ARHGAP29: variants seen among roughly 807,000 people sequenced by gnomAD.
ARHGAP29 encodes rho GTPase-activating protein 29.
In ARHGAP29, 43 loss-of-function variants were observed where a neutral mutation model predicts 122.6. That is an observed-to-expected ratio of 0.35 (90% CI 0.27 to 0.45). The LOEUF (loss-of-function observed/expected upper bound fraction) is 0.45. Among genes scored for constraint, ARHGAP29 ranks in the 20% least tolerant of loss-of-function variants. The pLI, the probability that ARHGAP29 is intolerant of heterozygous loss-of-function variation, is 1.00. For missense variants in ARHGAP29, 1,303 were observed against 1,477.2 expected (o/e 0.88, Z 1.93); for synonymous variants, 506 against 497.1 (o/e 1.02, Z -0.24).
At position 94,205,061 on chromosome 1, in the gene ARHGAP29, C is replaced by T. The variant is rs746453594; in HGVS notation, c.697G>A (p.Glu233Lys). The T allele has an allele frequency of 1.9e-6, 3 of 1,550,714 alleles. No homozygotes were observed. The South Asian group carries it at 3.8e-5, about 19-fold the overall frequency. ...VSWVEKKLNL[E>K]LESTRNMVKL... ...TCAGATGCTTTAAAAGGCAACTCACCCAAGTTAAGCTTTTTTTCAACCCAT... is the reference window on the plus strand; with the variant it reads ...TCAGATGCTTTAAAAGGCAACTCACTCAAGTTAAGCTTTTTTTCAACCCAT... The change falls in exon 7 of 23, where the codon GAA becomes AAA. Residue 233 changes from glutamate (E) to lysine (K), a missense_variant and splice_region_variant. Transcript: ENST00000260526.
chr1:94,220,110 T>C lies in ARHGAP29; in HGVS notation c.340+148A>G, dbSNP rs898717762. The C allele has an allele frequency of 5.5e-6, 5 of 914,026 alleles. No homozygotes were observed. The Admixed American group carries it at 8.1e-5, about 15-fold the overall frequency. 56.6% of individuals were successfully genotyped at this position (914,026 alleles called of 1,614,324 possible). A position where few individuals can be genotyped will look rare whatever the true frequency, so the allele number is the denominator to read the frequency against. ...CTTTAGGTGTGACTTAGTGGGAATA[T>C]TTCAATATCAAAGTATATATAACTC... is the stretch of plus-strand genomic sequence containing the variant. On this transcript the variant is annotated intron_variant, in intron 3 of 22. Coordinates refer to ENST00000260526, the MANE Select transcript of ARHGAP29 (RefSeq NM_004815.4).
chr1:94,220,349 G>A lies in ARHGAP29; in HGVS notation c.249C>T (p.Leu83=). 1.9e-6 allele frequency: 3 copies of A among 1,611,092 alleles called. No individual in the cohort carries two copies. The Admixed American group carries it at 5.0e-5, about 27-fold the overall frequency. ...EVIHIRLEEL[L]RVLKSIMNKH... ...TATTCATTATAGACTTTAAAACACG[G>A]AGCAGTTCCTCTAGACGTATATGAA... The change falls in exon 3 of 23, where the codon CTC becomes CTT. Residue 83 remains leucine, a synonymous_variant. Transcript: ENST00000260526.
chr1:94,205,223 G>C, intron 6 of ARHGAP29, 25 bp from the exon 7 acceptor site: 1 of 1,553,282 alleles, frequency 6.4e-7, no homozygotes, highest in Non-Finnish European at 8.7e-7. Context: ...ATCAAGGTAA[G>C]TATATGTTAA....
intron 1 of ARHGAP29, among the ~76,000 whole-genome samples, chr1:94,243,292 A>G (rs1232339305): frequency 1.3e-5 from 2 of 152,118 alleles, no homozygotes; most frequent in African/African-American, 2.4e-5. Flanking sequence ...GATAGGCCAT[A>G]TATGGGATAA....
chr1:94,308,675 G>T, the ARHGAP29 span, among the ~76,000 whole-genome samples: 2 of 152,074 alleles, frequency 1.3e-5, no homozygotes, highest in Non-Finnish European at 2.9e-5. Flanking sequence ...CAGCCACTGC[G>T]CCAGGATCCC....
intron 12 of ARHGAP29, among the ~76,000 whole-genome samples, chr1:94,200,027 G>C (rs1381032629): frequency 6.6e-6 from 1 of 152,058 alleles, no homozygotes; most frequent in Non-Finnish European, 1.5e-5. Context: ...TAAAACTATT[G>C]AAATTTTAGT....
intron 2 of ARHGAP29, among the ~76,000 whole-genome samples, chr1:94,223,315 T>C (rs1287407944): frequency 6.6e-6 from 1 of 152,166 alleles, no homozygotes; most frequent in African/African-American, 2.4e-5. Flanking sequence ...CAGTATAGTG[T>C]TGAAAAGCAT....
the ARHGAP29 span, among the ~76,000 whole-genome samples, chr1:94,303,174 C>T: frequency 6.6e-6 from 1 of 152,068 alleles, no homozygotes; most frequent in African/African-American, 2.4e-5. Flanking sequence ...AAGGGAAGGA[C>T]CTAGGGAGCC....
the ARHGAP29 span, among the ~76,000 whole-genome samples, chr1:94,299,125 C>T: frequency 6.6e-6 from 1 of 151,682 alleles, no homozygotes; most frequent in Non-Finnish European, 1.5e-5. Context: ...GGTACATAAT[C>T]CTGCAGTATT....
rs183656092 is a variant in ARHGAP29, at chr1:94,272,291, T to G, written c.-33+2721A>C. ...GAGATGGGACTATGGGACTATAGTT[T>G]GTCCCACTAACCTCCTTTTTCTAAG... On this transcript the variant is annotated intron_variant and NMD_transcript_variant, in intron 1 of 25. Transcript: ENST00000552844. 1.4e-4 allele frequency among the ~76,000 whole-genome samples: 22 copies of G among 152,338 alleles called. No homozygotes were observed. The Middle Eastern group carries it at 0.01, about 71-fold the overall frequency.
chr1:94,289,148 GTCC>G, the ARHGAP29 span, among the ~76,000 whole-genome samples: 1 of 152,064 alleles, frequency 6.6e-6, no homozygotes, highest in Non-Finnish European at 1.5e-5. Context: ...ATTTGTTTGT[GTCC>G]TCTTTCATTT....
At chr1:94,309,075 TGGCTCA>T in the ARHGAP29 span, among the ~76,000 whole-genome samples, 1 of 152,228 alleles carries the variant, frequency 6.6e-6, no homozygotes, top group African/African-American at 2.4e-5. Context: ...GGGGAGCCAT[TGGCTCA>T]GGCTCTTGTT....
At chr1:94,182,437 A>G (rs905947454) in intron 19 of ARHGAP29, among the ~76,000 whole-genome samples, 1 of 152,168 alleles carries the variant, frequency 6.6e-6, no homozygotes, top group African/African-American at 2.4e-5. Flanking sequence ...AGGACTAACC[A>G]GGATTGGCAG....
chr1:94,307,114 T>C, the ARHGAP29 span, among the ~76,000 whole-genome samples: 3 of 152,316 alleles, frequency 2.0e-5, no homozygotes, highest in South Asian at 2.1e-4. Context: ...TCATTTTTTT[T>C]CCCCTTTCTC....
the ARHGAP29 span, among the ~76,000 whole-genome samples, chr1:94,313,783 A>G: frequency 1.3e-5 from 2 of 152,212 alleles, no homozygotes; most frequent in Non-Finnish European, 2.9e-5. Flanking sequence ...ATACCATGGA[A>G]TATTATGCAG....
At chr1:94,192,631 A>T (rs576139790) in intron 12 of ARHGAP29, 1 of 152,430 alleles carries the variant, frequency 6.6e-6, no homozygotes, top group African/African-American at 2.4e-5. Flanking sequence ...GTTTATGACC[A>T]GATGAACTGT....
chr1:94,308,712 C>A, the ARHGAP29 span, among the ~76,000 whole-genome samples: 14 of 152,170 alleles, frequency 9.2e-5, no homozygotes, highest in Non-Finnish European at 2.9e-5. Context: ...AAAGGTACAA[C>A]CTGACATGGC....
intron 3 of ARHGAP29, among the ~76,000 whole-genome samples, chr1:94,210,821 T>G (rs1167486301): frequency 6.6e-6 from 1 of 151,984 alleles, no homozygotes; most frequent in Non-Finnish European, 1.5e-5. Flanking sequence ...GAGGATCACT[T>G]GTGGCCAAGA....
chr1:94,236,880 G>A (rs1276939822), intron 1 of ARHGAP29, among the ~76,000 whole-genome samples: 1 of 152,158 alleles, frequency 6.6e-6, no homozygotes, highest in African/African-American at 2.4e-5. Flanking sequence ...AGGTGGGAGC[G>A]GGAATAGAAT....
Sources: allele counts gnomAD v4.1 joint callset (sites outside exome capture counted in the v4.1 genomes callset), GRCh38; gene constraint gnomAD v4.1.1; transcripts MANE v1.5; gene names NCBI Gene and HGNC (gene_info 2026-07-23, HGNC 2026-07-21).